TRIM14: variants seen among roughly 807,000 people sequenced by gnomAD.
The protein encoded by TRIM14 is tripartite motif-containing protein 14.
TRIM14 carries 28 observed loss-of-function variants against 44.5 expected under a neutral mutation model. The observed-to-expected ratio is 0.63, with a 90% CI of 0.47 to 0.86. TRIM14 has a LOEUF of 0.86. TRIM14 is among the 40% of genes least tolerant of loss of function. The probability of loss-of-function intolerance (pLI) is 0.00; values close to 1 mark genes in which losing one functional copy is unlikely to be tolerated. For synonymous variants in TRIM14, 299 were observed against 269.2 expected (o/e 1.11, Z -1.08); for missense variants, 607 against 611.1 (o/e 0.99, Z 0.07).
At chr9:98,081,726 G>C (rs1829871703), downstream of TRIM14, 1 of 152,252 alleles carries the variant, frequency 6.6e-6, no homozygotes, top group Non-Finnish European at 1.5e-5. Flanking sequence ...GGGCTGCCAG[G>C]CACACACACA....
rs748775309 is a variant in TRIM14 at position 98,119,049 on chromosome 9, C to G, written c.140G>C (p.Cys47Ser). Residue 47 changes from cysteine (C) to serine (S), a missense_variant, in exon 1 of 6, where the codon TGC becomes TCC. Physicochemically the swap from Cys to Ser is moderately radical, Grantham distance 112. Coordinates refer to ENST00000341469, the MANE Select transcript of TRIM14 (RefSeq NM_014788.4). Reference sequence around the variant, plus strand: ...GCCACGGTGCGCGCCCAGCACCGGGCAAAGCGCGCACACGCAGCGGCGGCA... The same window carrying G: ...GCCACGGTGCGCGCCCAGCACCGGGGAAAGCGCGCACACGCAGCGGCGGCA... Reference protein sequence around the residue: ...RRCRRCVCALCPVLGAHRGHP... With the variant: ...RRCRRCVCALSPVLGAHRGHP... The G allele has an allele frequency of 1.3e-6, 2 of 1,579,430 alleles. No individual in the cohort carries two copies. The highest frequency in any genetic ancestry group is 2.2e-4 in the Middle Eastern group (1 of 4,554).
chr9:98,099,913 C>T lies in TRIM14; in HGVS notation c.537+18G>A. 1.9e-6 allele frequency: 3 copies of T among 1,604,802 alleles called. No individual in the cohort carries two copies. Among genetic ancestry groups the T allele is most frequent in the Non-Finnish European group, 2.6e-6 (3 of 1,173,442 alleles). On this transcript the variant is annotated intron_variant, in intron 3 of 5. Transcript: ENST00000341469. The stretch of plus-strand genomic sequence containing the variant: ...GGGTGGCAGGTGGCAGCAGTAAGAG[C>T]AGTGACCCCAGCATTACCTGAAGCC...
chr9:98,063,125 A>G, the TRIM14 span, among the ~76,000 whole-genome samples: 3 of 151,512 alleles, frequency 2.0e-5, no homozygotes, highest in Non-Finnish European at 4.4e-5. Flanking sequence ...ACAGGGTTTC[A>G]CCATGTTAGC....
chr9:98,119,116 G>A lies in TRIM14; in HGVS notation c.73C>T (p.Pro25Ser). The A allele has an allele frequency of 1.3e-6, 2 of 1,587,530 alleles. No homozygotes were observed. Among genetic ancestry groups the A allele is most frequent in the Non-Finnish European group, 1.7e-6 (2 of 1,176,274 alleles). Residue 25 changes from proline to serine, a missense_variant, in exon 1 of 6, where the codon CCG becomes TCG. Pro to Ser is a moderately conservative substitution (Grantham distance 74, BLOSUM62 -1). Coordinates refer to ENST00000341469, the MANE Select transcript of TRIM14 (RefSeq NM_014788.4). ...ELVEGCGWRC[P>S]EHGDRVAELF... ...TCAGCCACGCGGTCGCCATGCTCCG[G>A]GCAGCGCCAGCCGCATCCCTCGACA...
chr9:98,060,930 A>G, the TRIM14 span: 1 of 1,614,244 alleles, frequency 6.2e-7, no homozygotes. Flanking sequence ...AGCCATGACC[A>G]GTACAGGGAG....
Position 98,094,859 on chromosome 9 carries a change from C to T in TRIM14, c.700+8G>A, listed in dbSNP as rs1054121340. 1.2e-5 allele frequency: 19 copies of T among 1,612,414 alleles called. No homozygotes were observed. Among genetic ancestry groups the T allele is most frequent in the East Asian group, 4.5e-5 (2 of 44,846 alleles). On this transcript the variant is annotated splice_region_variant and intron_variant, in intron 4 of 5. Transcript: ENST00000341469. The stretch of plus-strand genomic sequence containing the variant: ...TAAGGACACAAAGTTGGTCACTCGG[C>T]GACTTACTTTCCTTAAGGCGAATGT...
intron 1 of TRIM14, among the ~76,000 whole-genome samples, chr9:98,113,419 A>G (rs1826931235): frequency 6.6e-6 from 1 of 152,110 alleles, no homozygotes; most frequent in Non-Finnish European, 1.5e-5. Context: ...CAGTGGTGCA[A>G]TCTTGGCTCA....
At chr9:98,110,741 C>T (rs1423534841) in intron 1 of TRIM14, among the ~76,000 whole-genome samples, 2 of 151,716 alleles carry the variant, frequency 1.3e-5, no homozygotes, top group Non-Finnish European at 2.9e-5. Flanking sequence ...CATGGTGGCT[C>T]ATGTCTGTAA....
chr9:98,063,216 A>ACCATGCCCAGC, the TRIM14 span, among the ~76,000 whole-genome samples: 1 of 150,836 alleles, frequency 6.6e-6, no homozygotes, highest in Non-Finnish European at 1.5e-5. Context: ...GGTGTGAGCC[A>ACCATGCCCAGC]CCATGCCCAG....
At chr9:98,057,723 C>T in the TRIM14 span, among the ~76,000 whole-genome samples, 1 of 152,072 alleles carries the variant, frequency 6.6e-6, no homozygotes, top group South Asian at 2.1e-4. Flanking sequence ...TAAGGCCTGG[C>T]CTGCACTATG....
rs946715969 is a variant in TRIM14 at position 98,085,176 on chromosome 9, G to A, written c.*2294C>T. On this transcript the variant is annotated 3_prime_UTR_variant, in exon 6 of 6. Transcript: ENST00000341469. Reference sequence around the variant, plus strand: ...AGACTCAAGTCTCGCAGAGTAACCAGGCACTAGGAAAGCATCATGGGCAGT... The same window carrying A: ...AGACTCAAGTCTCGCAGAGTAACCAAGCACTAGGAAAGCATCATGGGCAGT... 6.6e-6 allele frequency: 1 copy of A among 152,308 alleles called. No individual in the cohort carries two copies. Among genetic ancestry groups the A allele is most frequent in the Admixed American group, 6.5e-5 (1 of 15,282 alleles). The allele number at this position is 152,308 out of a possible 1,614,324, so 9.4% of individuals were successfully genotyped here.
chr9:98,049,783 C>T, the TRIM14 span, among the ~76,000 whole-genome samples: 5 of 152,230 alleles, frequency 3.3e-5, no homozygotes, highest in South Asian at 1.0e-3. Flanking sequence ...ATGCTTTAAC[C>T]TCATGGGAAT....
At position 98,100,051 on chromosome 9, in the gene TRIM14, A is replaced by G; in HGVS notation, c.417T>C (p.Leu139=). ...CTTGTTCCCTGTACACCTGGAGGGT[A>G]AGCTGCGTGTTTTTATCAATGAATT... ...AKKFIDKNTQ[L]TLQVYREQAD... The change falls in exon 3 of 6, where the codon CTT becomes CTC. Residue 139 remains leucine, a synonymous_variant. Transcript: ENST00000341469. The G allele has an allele frequency of 6.2e-7, 1 of 1,614,214 alleles. No individual in the cohort carries two copies. The highest frequency in any genetic ancestry group is 1.1e-5 in the South Asian group (1 of 91,088).
chr9:98,081,096 G>A (rs1230951700), downstream of TRIM14: 1 of 1,613,778 alleles, frequency 6.2e-7, no homozygotes, highest in East Asian at 2.2e-5. Flanking sequence ...TGTCCTGCCG[G>A]ACTCTACTCG....
chr9:98,098,569 G>T (rs942090050), intron 3 of TRIM14, among the ~76,000 whole-genome samples: 2 of 151,998 alleles, frequency 1.3e-5, no homozygotes, highest in Non-Finnish European at 2.9e-5. Context: ...AAAATTAGCT[G>T]GGCGTGGTGG....
chr9:98,062,452 A>G, the TRIM14 span, among the ~76,000 whole-genome samples: 1 of 152,096 alleles, frequency 6.6e-6, no homozygotes, highest in Non-Finnish European at 1.5e-5. Flanking sequence ...TGTTCTTTTG[A>G]ATGTAAAAAA....
chr9:98,092,063 C>T lies in TRIM14; in HGVS notation c.701-62G>A, dbSNP rs2118286434. On this transcript the variant is annotated intron_variant, in intron 4 of 5. Transcript: ENST00000341469. ...TATGCAAGCAGACAAATAAGACGTG[C>T]TAAAAATACCACACAACTGGAGATT... The T allele has an allele frequency of 6.3e-6, 8 of 1,278,698 alleles. No homozygotes were observed. In the South Asian group the frequency reaches 1.1e-4, roughly 17 times the overall value. 79.2% of individuals were successfully genotyped at this position (1,278,698 alleles called of 1,614,324 possible). A position where few individuals can be genotyped will look rare whatever the true frequency, so the allele number is the denominator to read the frequency against.
At chr9:98,078,073 G>C in intron 6 of TRIM14, 1 of 1,444,346 alleles carries the variant, frequency 6.9e-7, no homozygotes, top group Non-Finnish European at 9.5e-7. Context: ...GGCTGGCACA[G>C]TGTTTTAAGA....
downstream of TRIM14, among the ~76,000 whole-genome samples, chr9:98,068,727 G>A (rs369372907): frequency 1.4e-4 from 21 of 151,754 alleles, 1 homozygote; most frequent in South Asian, 6.3e-4. Flanking sequence ...GCAGGAAGGC[G>A]GGAGGCTTCC....
Sources: gnomAD v4.1 joint callset for allele counts (sites outside exome capture counted in the v4.1 genomes callset) on GRCh38, gnomAD v4.1.1 for gene constraint, MANE v1.5 for transcripts, NCBI Gene and HGNC (gene_info 2026-07-23, HGNC 2026-07-21) for gene names.